LOC128706665: variants seen among roughly 807,000 people sequenced by gnomAD.
At chr20:10,420,527 C>G in the LOC128706665 span, 1 of 152,126 alleles carries the variant, frequency 6.6e-6, no homozygotes, top group Admixed American at 6.5e-5. Flanking sequence ...ATGGAACTTA[C>G]CTGAAGATTG....
At chr20:10,429,791 T>G in the LOC128706665 span, among the ~76,000 whole-genome samples, 1 of 152,166 alleles carries the variant, frequency 6.6e-6, no homozygotes, top group Non-Finnish European at 1.5e-5. Flanking sequence ...TCAATTCCAG[T>G]AGTTCTCAAA....
At chr20:10,422,958 G>T in the LOC128706665 span, among the ~76,000 whole-genome samples, 1 of 152,036 alleles carries the variant, frequency 6.6e-6, no homozygotes, top group East Asian at 1.9e-4. Flanking sequence ...CGATCCGCTC[G>T]CCTCGGCCTC....
the LOC128706665 span, among the ~76,000 whole-genome samples, chr20:10,433,435 G>GT: frequency 1.3e-5 from 2 of 152,170 alleles, no homozygotes; most frequent in Admixed American, 1.3e-4. Context: ...GGTCACTGCC[G>GT]TATCTACTAA....
the LOC128706665 span, among the ~76,000 whole-genome samples, chr20:10,424,745 T>C: frequency 1.4e-4 from 21 of 152,282 alleles, no homozygotes; most frequent in Admixed American, 7.2e-4. Flanking sequence ...AGTTCCTCTG[T>C]GGTTTTTTAC....
the LOC128706665 span, chr20:10,413,845 C>T: frequency 2.2e-6 from 1 of 450,182 alleles, no homozygotes; most frequent in Non-Finnish European, 3.9e-6. Context: ...GATATCCCAG[C>T]TACAAGAAGC....
At chr20:10,415,087 T>C in the LOC128706665 span, among the ~76,000 whole-genome samples, 1 of 152,170 alleles carries the variant, frequency 6.6e-6, no homozygotes, top group Non-Finnish European at 1.5e-5. Context: ...CTTAACAAGG[T>C]AGTGTCCTTG....
chr20:10,428,534 A>G, the LOC128706665 span, among the ~76,000 whole-genome samples: 17 of 152,158 alleles, frequency 1.1e-4, no homozygotes, highest in African/African-American at 3.9e-4. Flanking sequence ...TGTGCACCTT[A>G]GCTCTCAACT....
At chr20:10,417,753 C>T in the LOC128706665 span, among the ~76,000 whole-genome samples, 4 of 151,772 alleles carry the variant, frequency 2.6e-5, no homozygotes, top group African/African-American at 9.7e-5. Flanking sequence ...ATCTATTCCA[C>T]AGTACCATCC....
chr20:10,432,225 G>T, the LOC128706665 span, among the ~76,000 whole-genome samples: 1 of 152,204 alleles, frequency 6.6e-6, no homozygotes, highest in East Asian at 1.9e-4. Flanking sequence ...CTGTGGGACT[G>T]GTGGAGAACA....
At chr20:10,417,967 A>C in the LOC128706665 span, among the ~76,000 whole-genome samples, 1 of 152,224 alleles carries the variant, frequency 6.6e-6, no homozygotes, top group African/African-American at 2.4e-5. Flanking sequence ...ATTATCTATC[A>C]AATGCAATAC....
the LOC128706665 span, among the ~76,000 whole-genome samples, chr20:10,414,235 G>A: frequency 1.3e-5 from 2 of 150,276 alleles, no homozygotes; most frequent in African/African-American, 4.9e-5. Flanking sequence ...GAAATGCTAC[G>A]ATATAAAACA....
the LOC128706665 span, among the ~76,000 whole-genome samples, chr20:10,426,880 G>T: frequency 6.6e-6 from 1 of 152,110 alleles, no homozygotes; most frequent in Non-Finnish European, 1.5e-5. Context: ...AGATTAGCTG[G>T]GTTAGTTCAG....
the LOC128706665 span, chr20:10,431,948 C>CAT: frequency 0.41 from 62,748 of 151,918 alleles, 13,356 homozygotes; most frequent in Non-Finnish European, 0.44. Flanking sequence ...TTCTCTAGCA[C>CAT]GTGATTCCTT....
the LOC128706665 span, among the ~76,000 whole-genome samples, chr20:10,424,856 A>G: frequency 6.6e-6 from 1 of 152,134 alleles, no homozygotes; most frequent in African/African-American, 2.4e-5. Context: ...GTTTGAGACC[A>G]GTCTGGCCAA....
the LOC128706665 span, among the ~76,000 whole-genome samples, chr20:10,430,678 T>C: frequency 7.9e-5 from 12 of 152,304 alleles, no homozygotes; most frequent in African/African-American, 2.9e-4. Flanking sequence ...GTGAATCTGG[T>C]AATTAGATTC....
the LOC128706665 span, among the ~76,000 whole-genome samples, chr20:10,419,258 T>G: frequency 6.6e-6 from 1 of 152,152 alleles, no homozygotes; most frequent in Non-Finnish European, 1.5e-5. Flanking sequence ...TGCTTTACAA[T>G]TACAGGGTCA....
At chr20:10,433,135 C>T in the LOC128706665 span, among the ~76,000 whole-genome samples, 7 of 152,260 alleles carry the variant, frequency 4.6e-5, no homozygotes, top group Admixed American at 4.6e-4. Flanking sequence ...TCCCAAGTAG[C>T]TGGGATTACA....
At chr20:10,420,444 T>C in the LOC128706665 span, 2 of 152,222 alleles carry the variant, frequency 1.3e-5, no homozygotes, top group African/African-American at 4.8e-5. Context: ...ATTTAGGCTT[T>C]TCCTTGCCAG....
chr20:10,432,789 C>CAAAAAAAAAAAAAAAAAAAAAAAAA, the LOC128706665 span, among the ~76,000 whole-genome samples: 2 of 74,560 alleles, frequency 2.7e-5, 1 homozygote, highest in Non-Finnish European at 5.0e-5. Flanking sequence ...GACTCTTTGT[C>CAAAAAAAAAAAAAAAAAAAAAAAAA]AAAAAAAAAA....
Sources: allele counts gnomAD v4.1 joint callset (sites outside exome capture counted in the v4.1 genomes callset), GRCh38; gene constraint gnomAD v4.1.1; transcripts MANE v1.5.